Variants in SCARA5 observed in about 807,000 individuals in gnomAD.
The protein encoded by SCARA5 is scavenger receptor class A member 5.
SCARA5 carries 45 observed loss-of-function variants against 46.3 expected under a neutral mutation model. That is an observed-to-expected ratio of 0.97 (90% CI 0.76 to 1.24). The LOEUF (loss-of-function observed/expected upper bound fraction) is 1.24, where lower values mean the gene tolerates loss of function less well. Among genes scored for constraint, SCARA5 ranks in the 50% most tolerant of loss-of-function variants. The probability of loss-of-function intolerance (pLI) is 0.00; values close to 1 mark genes in which losing one functional copy is unlikely to be tolerated. For synonymous variants in SCARA5, 333 were observed against 306.5 expected, an observed-to-expected ratio of 1.09 and a Z score of -0.90; for missense variants, 680 against 689.0, an observed-to-expected ratio of 0.99 and a Z score of 0.15.
chr8:27,884,317 G>T (rs1806858478), intron 7 of SCARA5, among the ~76,000 whole-genome samples: 1 of 152,224 alleles, frequency 6.6e-6, no homozygotes, highest in African/African-American at 2.4e-5. Context: ...AGAAGAGCTG[G>T]AATTCAGAGG....
chr8:27,907,325 G>A, intron 5 of SCARA5, 79 bp from the exon 6 acceptor site: 1 of 993,468 alleles, frequency 1.0e-6, no homozygotes, highest in South Asian at 1.5e-5. Flanking sequence ...CGGGTTCAAG[G>A]CTCAGCCTCC....
intron 7 of SCARA5, among the ~76,000 whole-genome samples, chr8:27,892,448 G>T (rs1446095610): frequency 6.6e-6 from 1 of 152,120 alleles, no homozygotes; most frequent in Non-Finnish European, 1.5e-5. Context: ...TGCCTCTGTG[G>T]GTCCTGGGGA....
intron 3 of SCARA5, among the ~76,000 whole-genome samples, chr8:27,946,602 C>T (rs1410283933): frequency 1.3e-5 from 2 of 152,238 alleles, no homozygotes; most frequent in Non-Finnish European, 2.9e-5. Context: ...ATGGCAGCCT[C>T]AGCAAACTAA....
chr8:27,943,126 A>G (rs369570353), intron 3 of SCARA5, among the ~76,000 whole-genome samples: 110 of 152,300 alleles, frequency 7.2e-4, no homozygotes, highest in African/African-American at 2.6e-3. Flanking sequence ...AGAAGCACCA[A>G]GAGGTTGGAA....
At chr8:27,966,294 C>G in intron 3 of SCARA5, 120 bp downstream of exon 3, 1 of 1,068,046 alleles carries the variant, frequency 9.4e-7, no homozygotes, top group Non-Finnish European at 1.3e-6. Context: ...CCTTCTTCCT[C>G]TATGGTTTCC....
intron 4 of SCARA5, among the ~76,000 whole-genome samples, chr8:27,909,963 G>C (rs139673267): frequency 1.2e-4 from 18 of 152,232 alleles, no homozygotes; most frequent in Non-Finnish European, 2.2e-4. Flanking sequence ...ACAGGAGTTA[G>C]CTAAGTAAAC....
At chr8:27,987,846 C>T (rs1426909597) in intron 1 of SCARA5, among the ~76,000 whole-genome samples, 2 of 152,240 alleles carry the variant, frequency 1.3e-5, no homozygotes, top group African/African-American at 2.4e-5. Context: ...TTCCTCAGGG[C>T]TTCAGAAGAC....
intron 3 of SCARA5, among the ~76,000 whole-genome samples, chr8:27,959,575 C>T (rs1253539762): frequency 1.3e-5 from 2 of 152,132 alleles, no homozygotes; most frequent in African/African-American, 4.8e-5. Flanking sequence ...AGTGTGAAGA[C>T]CGGGGCCCAA....
chr8:27,963,635 A>C (rs1405932884), intron 3 of SCARA5, among the ~76,000 whole-genome samples: 1 of 152,204 alleles, frequency 6.6e-6, no homozygotes, highest in Admixed American at 6.5e-5. Flanking sequence ...ACCTTCAAAC[A>C]GGTAAACTTG....
At chr8:27,872,750 C>T (rs536124026) in intron 8 of SCARA5, among the ~76,000 whole-genome samples, 93 of 152,362 alleles carry the variant, frequency 6.1e-4, no homozygotes, top group African/African-American at 2.2e-3. Context: ...AGCCCCAGGG[C>T]TCTGTGGGAT....
chr8:27,957,142 C>G (rs1808219156), intron 3 of SCARA5, among the ~76,000 whole-genome samples: 1 of 152,098 alleles, frequency 6.6e-6, no homozygotes, highest in Admixed American at 6.6e-5. Context: ...TGGACTCAAG[C>G]CCACTCCCTT....
At chr8:27,944,073 G>C (rs75985476) in intron 3 of SCARA5, among the ~76,000 whole-genome samples, 3,940 of 152,238 alleles carry the variant, frequency 0.026, 148 homozygotes, top group African/African-American at 0.089. Context: ...ACAAACCCAA[G>C]TTAAAGGACA....
At chr8:27,912,835 G>A (rs1040857852) in intron 4 of SCARA5, among the ~76,000 whole-genome samples, 3 of 152,258 alleles carry the variant, frequency 2.0e-5, no homozygotes, top group Admixed American at 1.3e-4. Context: ...CCCTGATGTA[G>A]GGCCTCTGGG....
Position 27,871,509 on chromosome 8 carries a change from A to G in SCARA5, c.*425T>C, listed in dbSNP as rs1317252149. 5.0e-6 allele frequency: 5 copies of G among 998,844 alleles called. No homozygotes were observed. The highest frequency in any genetic ancestry group is 6.0e-6 in the Non-Finnish European group (5 of 838,122). 61.9% of individuals were successfully genotyped at this position (998,844 alleles called of 1,614,324 possible). A position where few individuals can be genotyped will look rare whatever the true frequency, so the allele number is the denominator to read the frequency against. On this transcript the variant is annotated 3_prime_UTR_variant, in exon 9 of 9. Coordinates refer to ENST00000354914, the MANE Select transcript of SCARA5 (RefSeq NM_173833.6). ...GATGTAGAAACTCTTGGACTAATGG[A>G]GGTTTGGGAATTGTCTGAAGAGTAA...
intron 7 of SCARA5, among the ~76,000 whole-genome samples, chr8:27,901,773 A>G (rs1380765424): frequency 6.6e-6 from 1 of 152,164 alleles, no homozygotes; most frequent in Non-Finnish European, 1.5e-5. Flanking sequence ...ATCTGGAGCT[A>G]CCAGTGAAAG....
At chr8:27,892,895 C>T (rs979656837) in intron 7 of SCARA5, among the ~76,000 whole-genome samples, 2 of 152,144 alleles carry the variant, frequency 1.3e-5, no homozygotes, top group South Asian at 2.1e-4. Context: ...CGTGAGCCAC[C>T]GCACCCAGCC....
intron 2 of SCARA5, among the ~76,000 whole-genome samples, chr8:27,975,113 C>T (rs1042443636): frequency 6.6e-6 from 1 of 152,098 alleles, no homozygotes; most frequent in Non-Finnish European, 1.5e-5. Flanking sequence ...AAGAGAGAGG[C>T]TGAAGGTTGA....
chr8:27,875,612 G>A (rs920987652), intron 8 of SCARA5, among the ~76,000 whole-genome samples: 1 of 152,084 alleles, frequency 6.6e-6, no homozygotes, highest in Non-Finnish European at 1.5e-5. Flanking sequence ...TCTGTGCCCC[G>A]AGAACCACCA....
At chr8:27,940,136 T>G (rs555908227) in intron 3 of SCARA5, among the ~76,000 whole-genome samples, 9 of 152,380 alleles carry the variant, frequency 5.9e-5, no homozygotes, top group African/African-American at 1.9e-4. Flanking sequence ...TAGCTTTCGG[T>G]TGGAGCAGCA....
Sources: allele counts gnomAD v4.1 joint callset (sites outside exome capture counted in the v4.1 genomes callset), GRCh38; gene constraint gnomAD v4.1.1; transcripts MANE v1.5; gene names NCBI Gene and HGNC (gene_info 2026-07-23, HGNC 2026-07-21).